The following ZNF239 variants were observed in gnomAD, a reference collection of about 807,000 sequenced individuals.
ZNF239 encodes the protein zinc finger protein (C2H2) homologous to mouse MOK-2.
ZNF239 carries 16 observed loss-of-function variants against 27.5 expected under a neutral mutation model. The observed-to-expected ratio is 0.58, with a 90% CI of 0.39 to 0.88. ZNF239 has a LOEUF of 0.88. Ranked by LOEUF, ZNF239 falls within the 40% of genes least tolerant of loss-of-function variation. ZNF239 has a pLI of 0.00. For missense variants in ZNF239, 527 were observed against 551.9 expected (o/e 0.95, Z 0.45); for synonymous variants, 199 against 192.6 (o/e 1.03, Z -0.27).
chr10:43,565,084 T>A (rs1268013929), intron 3 of ZNF239, among the ~76,000 whole-genome samples: 1 of 151,976 alleles, frequency 6.6e-6, no homozygotes, highest in Non-Finnish European at 1.5e-5. Flanking sequence ...CAAATCTTTT[T>A]ATTTTATTTT....
rs750043031 is a variant in ZNF239, at chr10:43,557,026, A to G, written c.1054T>C (p.Cys352Arg). The G allele has an allele frequency of 1.2e-6, 2 of 1,613,568 alleles. No homozygotes were observed. The highest frequency in any genetic ancestry group is 1.1e-5 in the South Asian group (1 of 91,062). The change falls in exon 4 of 4, where the codon TGT becomes CGT. Residue 352 changes from cysteine (C) to arginine (R), a missense_variant. Physicochemically the swap from Cys to Arg is radical, Grantham distance 180 (BLOSUM62 -3). Coordinates refer to ENST00000374446, the MANE Select transcript of ZNF239 (RefSeq NM_001099282.2). ...GAGCTCTGACTGAAGCCCTTCCCAC[A>G]CTCACCACACTTGTAGGGCCTCTCT... Reference protein sequence around the residue: ...TGERPYKCGECGKGFSQSSNL... With the variant: ...TGERPYKCGERGKGFSQSSNL...
rs1836802673 is a variant in ZNF239 at position 43,557,068 on chromosome 10, G to T, written c.1012C>A (p.Gln338Lys). The part of the protein sequence containing the change: ...FSQRSNLHIH[Q>K]RVHTGERPYK... Reference sequence around the variant, plus strand: ...GGCCTCTCTCCTGTGTGTACTCGCTGGTGGATGTGCAGGTTTGAGCGCTGA... The same window carrying T: ...GGCCTCTCTCCTGTGTGTACTCGCTTGTGGATGTGCAGGTTTGAGCGCTGA... Residue 338 changes from glutamine to lysine, a missense_variant, in exon 4 of 4, where the codon CAG becomes AAG. Coordinates refer to ENST00000374446, the MANE Select transcript of ZNF239 (RefSeq NM_001099282.2). 3.1e-6 allele frequency: 5 copies of T among 1,613,782 alleles called. No individual in the cohort carries two copies. The highest frequency in any genetic ancestry group is 4.2e-6 in the Non-Finnish European group (5 of 1,179,980).
intron 2 of ZNF239, chr10:43,570,706 T>C: frequency 1.1e-6 from 1 of 899,442 alleles, no homozygotes; most frequent in Non-Finnish European, 1.3e-6. Flanking sequence ...CCATTTCCAC[T>C]GCCAGTCTTA....
intron 2 of ZNF239, among the ~76,000 whole-genome samples, chr10:43,572,551 C>G (rs765126456): frequency 3.9e-5 from 6 of 152,160 alleles, no homozygotes; most frequent in African/African-American, 7.2e-5. Flanking sequence ...GAAAGAACAG[C>G]CTGAAGGAAG....
In ZNF239 at chr10:43,557,965, GAGA is replaced by G; in HGVS notation, c.112_114del (p.Ser38del). 1.2e-6 allele frequency: 2 copies of G among 1,614,136 alleles called. No individual in the cohort carries two copies. Among genetic ancestry groups the G allele is most frequent in the African/African-American group, 1.3e-5 (1 of 75,044 alleles). On this transcript the variant is annotated inframe_deletion, in exon 4 of 4. Coordinates refer to ENST00000374446, the MANE Select transcript of ZNF239 (RefSeq NM_001099282.2). ...ACACTGTCCCTGTTTCTGGAAATAG[GAGA>G]AGATGCTTCTCCCCACTGTTGACAA...
intron 2 of ZNF239, chr10:43,570,604 T>G: frequency 2.0e-6 from 2 of 985,204 alleles, no homozygotes; most frequent in Non-Finnish European, 2.4e-6. Flanking sequence ...CTGGATTGTC[T>G]AATCCTCCTT....
intron 3 of ZNF239, among the ~76,000 whole-genome samples, chr10:43,562,315 C>T (rs1837312993): frequency 6.6e-6 from 1 of 152,234 alleles, no homozygotes; most frequent in African/African-American, 2.4e-5. Flanking sequence ...GAAGGACAGA[C>T]ATTTTGACAA....
In ZNF239 at chr10:43,557,277, C is replaced by T; in HGVS notation, c.803G>A (p.Cys268Tyr). The change falls in exon 4 of 4, where the codon TGT becomes TAT. Residue 268 changes from cysteine to tyrosine, a missense_variant. Coordinates refer to ENST00000374446, the MANE Select transcript of ZNF239 (RefSeq NM_001099282.2). ...TGAGCTCCTGGTGAAGCCCTTCCCA[C>T]ACTTGTCACACTTATAAGGCTTCTC... ...TDEKPYKCDKCGKGFTRSSSL... is the reference protein window; with the variant it reads ...TDEKPYKCDKYGKGFTRSSSL... The T allele has an allele frequency of 2.5e-6, 4 of 1,614,174 alleles. No individual in the cohort carries two copies. Among genetic ancestry groups the T allele is most frequent in the Non-Finnish European group, 3.4e-6 (4 of 1,180,010 alleles).
chr10:43,560,862 C>A (rs1279182373), intron 3 of ZNF239, among the ~76,000 whole-genome samples: 1 of 151,864 alleles, frequency 6.6e-6, no homozygotes, highest in African/African-American at 2.4e-5. Context: ...TTAAAAGGTA[C>A]ATAATTAAAA....
rs1836772603 is a variant in ZNF239, at chr10:43,556,822, TGAG to T, written c.1255_1257del (p.Leu419del). The T allele has an allele frequency of 3.7e-6, 6 of 1,613,830 alleles. No individual in the cohort carries two copies. The highest frequency in any genetic ancestry group is 4.2e-6 in the Non-Finnish European group (5 of 1,179,954). The stretch of plus-strand genomic sequence containing the variant: ...TCTCCAGTATGTACTCTCTGGTGGA[TGAG>T]GAGTTTGGAACTCTGGCTAAATCCC... On this transcript the variant is annotated inframe_deletion, in exon 4 of 4. Coordinates refer to ENST00000374446, the MANE Select transcript of ZNF239 (RefSeq NM_001099282.2).
Position 43,558,091 on chromosome 10 carries a change from C to T in ZNF239, c.-12G>A, listed in dbSNP as rs778130881. ...ATTGTACTGGCCATGCCTTCCAAAACTAGCCAGGAGGAAAGCTCATGTAAC... is the reference window on the plus strand; with the variant it reads ...ATTGTACTGGCCATGCCTTCCAAAATTAGCCAGGAGGAAAGCTCATGTAAC... On this transcript the variant is annotated 5_prime_UTR_variant, in exon 4 of 4. An upstream open reading frame in the 5' UTR loses its in-frame stop. Coordinates refer to ENST00000374446, the MANE Select transcript of ZNF239 (RefSeq NM_001099282.2). 1.2e-6 allele frequency: 2 copies of T among 1,605,546 alleles called. No individual in the cohort carries two copies. Among genetic ancestry groups the T allele is most frequent in the East Asian group, 2.2e-5 (1 of 44,730 alleles).
chr10:43,567,316 A>G lies in ZNF239; in HGVS notation c.-93+583T>C, dbSNP rs150084461. Among the ~76,000 whole-genome samples, 487 of 152,086 alleles carry G rather than the reference A, an allele frequency of 3.2e-3. 1 individual carries two copies. The highest frequency in any genetic ancestry group is 0.011 in the African/African-American group (449 of 41,496). ...AGGGGGAGGACATTCAATGAAAAAT[A>G]AAGTCCAAGCAAAGATGGCACATGA... On this transcript the variant is annotated intron_variant, in intron 3 of 3. Coordinates refer to ENST00000374446, the MANE Select transcript of ZNF239 (RefSeq NM_001099282.2).
intron 3 of ZNF239, 134 bp from the exon 4 acceptor site, chr10:43,558,305 T>A: frequency 2.6e-6 from 2 of 770,598 alleles, no homozygotes; most frequent in Non-Finnish European, 3.9e-6. Context: ...TCCTTTGGGT[T>A]AAGGTCAGGT....
In ZNF239 at chr10:43,557,300, C is replaced by T; in HGVS notation, c.780G>A (p.Glu260=). Residue 260 remains glutamate, a synonymous_variant, in exon 4 of 4, where the codon GAG becomes GAA. Transcript: ENST00000374446. ...LLIHQAVHTD[E]KPYKCDKCGK... is the part of the protein sequence containing the mutation. Reference sequence around the variant, plus strand: ...CACACTTGTCACACTTATAAGGCTTCTCATCTGTGTGGACTGCCTGATGGA... The same window carrying T: ...CACACTTGTCACACTTATAAGGCTTTTCATCTGTGTGGACTGCCTGATGGA... 6.2e-7 allele frequency: 1 copy of T among 1,614,006 alleles called. No homozygotes were observed. Among genetic ancestry groups the T allele is most frequent in the Non-Finnish European group, 8.5e-7 (1 of 1,179,974 alleles).
In ZNF239 at chr10:43,573,914, C is replaced by T. The variant is rs112059816; in HGVS notation, c.-256-237G>A. Among the ~76,000 whole-genome samples, 630 of 152,280 alleles carry T rather than the reference C, an allele frequency of 4.1e-3. 6 individuals carry two copies. The highest frequency in any genetic ancestry group is 0.014 in the African/African-American group (594 of 41,540). On this transcript the variant is annotated intron_variant, in intron 1 of 3. Coordinates refer to ENST00000374446, the MANE Select transcript of ZNF239 (RefSeq NM_001099282.2). The stretch of plus-strand genomic sequence containing the variant: ...AAACCAAGAGGCTAGGTAAATTCCG[C>T]AGCCGCCGGCAGCTCGAAGCCGTGC...
Position 43,557,624 on chromosome 10 carries a change from A to G in ZNF239, c.456T>C (p.Cys152=). 1 of 1,614,184 alleles carries G rather than the reference A, an allele frequency of 6.2e-7. No homozygotes were observed. Among genetic ancestry groups the G allele is most frequent in the Non-Finnish European group, 8.5e-7 (1 of 1,180,042 alleles). The change falls in exon 4 of 4, where the codon TGT becomes TGC. Residue 152 remains cysteine, a synonymous_variant. Coordinates refer to ENST00000374446, the MANE Select transcript of ZNF239 (RefSeq NM_001099282.2). ...TCCATCCATGAATGTCTTTGCAGTT[A>G]CAGTCAATGGGATCCAAAGATTCTT... is the stretch of plus-strand genomic sequence containing the variant. The part of the protein sequence containing the change: ...QLKESLDPID[C]NCKDIHGWKS...
chr10:43,559,357 T>C (rs1035111201), intron 3 of ZNF239, among the ~76,000 whole-genome samples: 3 of 152,190 alleles, frequency 2.0e-5, no homozygotes, highest in Non-Finnish European at 4.4e-5. Flanking sequence ...GTAAGGATGA[T>C]AGTTGTGGAG....
At chr10:43,572,174 A>C (rs1306795481) in intron 2 of ZNF239, among the ~76,000 whole-genome samples, 1 of 152,210 alleles carries the variant, frequency 6.6e-6, no homozygotes, top group Non-Finnish European at 1.5e-5. Flanking sequence ...GTTGTTGTGT[A>C]ACACACACCA....
rs1836892306 is a variant in ZNF239, at chr10:43,557,730, T to G, written c.350A>C (p.Gln117Pro). The G allele has an allele frequency of 2.5e-6, 4 of 1,614,022 alleles. No individual in the cohort carries two copies. The Admixed American group carries it at 6.7e-5, about 27-fold the overall frequency. The change falls in exon 4 of 4, where the codon CAA (glutamine) becomes CCA (proline). Residue 117 changes from glutamine (Q) to proline (P), a missense_variant. Physicochemically the swap from Gln to Pro is moderately conservative, Grantham distance 76 (BLOSUM62 -1). Transcript: ENST00000374446. The stretch of plus-strand genomic sequence containing the variant: ...TTGTCCATCAGACACCAGTTTAACT[T>G]GAAGGTTCTCTGAACAACTTTCCCC... ...IKGESCSENL[Q>P]VKLVSDGQEL...
Sources: allele counts gnomAD v4.1 joint callset (sites outside exome capture counted in the v4.1 genomes callset), GRCh38; gene constraint gnomAD v4.1.1; transcripts MANE v1.5; gene names NCBI Gene and HGNC (gene_info 2026-07-23, HGNC 2026-07-21).